The following ZDHHC2 variants were observed in gnomAD, a reference collection of about 807,000 sequenced individuals.
ZDHHC2 encodes zDHHC palmitoyltransferase 2.
A neutral mutation model predicts 55.6 loss-of-function variants in ZDHHC2; 51 were observed. The ratio of observed to expected loss-of-function variants is 0.92; its 90% CI spans 0.73 to 1.16. The LOEUF (loss-of-function observed/expected upper bound fraction) is 1.16, where lower values mean the gene tolerates loss of function less well. ZDHHC2 is among the 50% of genes most tolerant of loss of function. ZDHHC2 has a pLI of 0.00. For synonymous variants in ZDHHC2, 199 were observed against 152.9 expected, an observed-to-expected ratio of 1.30 and a Z score of -2.22; for missense variants, 491 against 442.4, an observed-to-expected ratio of 1.11 and a Z score of -0.99.
intron 1 of ZDHHC2, among the ~76,000 whole-genome samples, chr8:17,178,850 C>T (rs1250974740): frequency 2.6e-5 from 4 of 152,192 alleles, no homozygotes; most frequent in Non-Finnish European, 4.4e-5. Flanking sequence ...TCTTAAAAAA[C>T]AATTAATGTT....
chr8:17,163,011 T>C (rs1804423346), intron 1 of ZDHHC2: 1 of 152,270 alleles, frequency 6.6e-6, no homozygotes, highest in South Asian at 2.1e-4. Flanking sequence ...TAAGAGGTTG[T>C]TTTAGCTCCC....
intron 1 of ZDHHC2, among the ~76,000 whole-genome samples, chr8:17,166,362 A>G (rs1804599772): frequency 6.6e-6 from 1 of 152,204 alleles, no homozygotes; most frequent in African/African-American, 2.4e-5. Flanking sequence ...TTTTTGACTC[A>G]TACAACCGAA....
In ZDHHC2 at chr8:17,210,483, A is replaced by G; in HGVS notation, c.950+3A>G. 1.9e-6 allele frequency: 3 copies of G among 1,600,366 alleles called. No homozygotes were observed. The highest frequency in any genetic ancestry group is 2.6e-6 in the Non-Finnish European group (3 of 1,174,922). On this transcript the variant is annotated splice_donor_region_variant and intron_variant, in intron 10 of 12. Transcript: ENST00000262096. Reference sequence around the variant, plus strand: ...GGGCTGAATTCCACAGCTAAAAAGTAATCTCATATTTTTTTTCATTTTACT... The same window carrying G: ...GGGCTGAATTCCACAGCTAAAAAGTGATCTCATATTTTTTTTCATTTTACT...
intron 6 of ZDHHC2, among the ~76,000 whole-genome samples, chr8:17,204,811 T>TA (rs1807015324): frequency 6.6e-6 from 1 of 151,944 alleles, no homozygotes; most frequent in African/African-American, 2.4e-5. Flanking sequence ...AAAATTAAAG[T>TA]AAAATAAAAT....
intron 6 of ZDHHC2, among the ~76,000 whole-genome samples, chr8:17,199,058 C>G (rs1045709494): frequency 1.6e-4 from 25 of 152,142 alleles, no homozygotes; most frequent in African/African-American, 6.0e-4. Flanking sequence ...AGGTTGCTGG[C>G]CAGGTTGGAT....
intron 1 of ZDHHC2, among the ~76,000 whole-genome samples, chr8:17,181,653 T>A (rs1805438595): frequency 6.6e-6 from 1 of 152,174 alleles, no homozygotes; most frequent in African/African-American, 2.4e-5. Context: ...GTAAGAAAAT[T>A]AAATAATCCT....
At chr8:17,193,402 C>G (rs1191512768) in intron 3 of ZDHHC2, among the ~76,000 whole-genome samples, 1 of 152,256 alleles carries the variant, frequency 6.6e-6, no homozygotes, top group Non-Finnish European at 1.5e-5. Flanking sequence ...CTCTCTCTCT[C>G]TCTGCTGAGC....
chr8:17,209,696 C>G (rs1043023730), intron 8 of ZDHHC2, among the ~76,000 whole-genome samples: 11 of 152,044 alleles, frequency 7.2e-5, no homozygotes, highest in Admixed American at 6.6e-4. Flanking sequence ...CTACAATGCA[C>G]ATGTACTATT....
chr8:17,199,547 G>A (rs1490405099), intron 6 of ZDHHC2, among the ~76,000 whole-genome samples: 1,258 of 19,870 alleles, frequency 0.063, 76 homozygotes, highest in Middle Eastern at 0.22. Context: ...TTCGTCTTCT[G>A]TCTTCGTCTT....
intron 6 of ZDHHC2, 67 bp downstream of exon 6, chr8:17,198,480 C>T: frequency 2.8e-6 from 4 of 1,423,178 alleles, no homozygotes; most frequent in Non-Finnish European, 2.9e-6. Flanking sequence ...AATCACTTAT[C>T]CATGTAAATC....
At chr8:17,214,057 T>C (rs879483852) in intron 10 of ZDHHC2, among the ~76,000 whole-genome samples, 10 of 152,180 alleles carry the variant, frequency 6.6e-5, no homozygotes, top group Non-Finnish European at 1.5e-4. Context: ...TGAACTCAAA[T>C]ATGTGAAATT....
At chr8:17,202,261 C>G (rs1038007181) in intron 6 of ZDHHC2, among the ~76,000 whole-genome samples, 5 of 151,972 alleles carry the variant, frequency 3.3e-5, no homozygotes, top group Non-Finnish European at 5.9e-5. Flanking sequence ...GACGGAGTTG[C>G]CTAGGCTGGA....
At position 17,221,462 on chromosome 8, in the gene ZDHHC2, T is replaced by C. The variant is rs1222582700; in HGVS notation, c.*1241T>C. The C allele has an allele frequency of 6.6e-6, 1 of 152,532 alleles. No homozygotes were observed. The highest frequency in any genetic ancestry group is 1.5e-5 in the Non-Finnish European group (1 of 67,964). 9.4% of individuals were successfully genotyped at this position (152,532 alleles called of 1,614,324 possible). On this transcript the variant is annotated 3_prime_UTR_variant, in exon 13 of 13. Coordinates refer to ENST00000262096, the MANE Select transcript of ZDHHC2 (RefSeq NM_016353.5). The stretch of plus-strand genomic sequence containing the variant: ...ACAATTAGAATAATACTCTGTATGC[T>C]TTTTTGATACTGATTTTGAGAATTT...
intron 6 of ZDHHC2, 143 bp from the exon 7 acceptor site, chr8:17,205,512 T>C (rs536077044): frequency 1.1e-6 from 1 of 902,436 alleles, no homozygotes; most frequent in Non-Finnish European, 1.6e-6. Context: ...TACATGATTG[T>C]ATGCATAAAG....
chr8:17,170,128 A>G (rs953995740), intron 1 of ZDHHC2, among the ~76,000 whole-genome samples: 1 of 152,220 alleles, frequency 6.6e-6, no homozygotes, highest in Admixed American at 6.5e-5. Flanking sequence ...GCTGCAAGTA[A>G]GAAGAGAAAG....
chr8:17,192,786 G>T (rs1240873538), intron 3 of ZDHHC2, among the ~76,000 whole-genome samples: 3 of 152,246 alleles, frequency 2.0e-5, no homozygotes, highest in Non-Finnish European at 4.4e-5. Flanking sequence ...AATCCATTTT[G>T]ATTTTTGCGT....
intron 3 of ZDHHC2, among the ~76,000 whole-genome samples, chr8:17,189,351 A>G (rs540502418): frequency 3.3e-5 from 5 of 151,946 alleles, no homozygotes; most frequent in South Asian, 2.1e-4. Flanking sequence ...AACATTTACC[A>G]TCATGGCAAC....
At chr8:17,199,503 TTCTTCTTCTTC>T (rs1806536253) in intron 6 of ZDHHC2, among the ~76,000 whole-genome samples, 1 of 63,158 alleles carries the variant, frequency 1.6e-5, no homozygotes, top group South Asian at 4.8e-4. Context: ...CTTCTTCTTC[TTCTTCTTCTTC>T]GTCTTCGTCT....
chr8:17,164,210 T>C (rs1282237073), intron 1 of ZDHHC2, among the ~76,000 whole-genome samples: 1 of 152,234 alleles, frequency 6.6e-6, no homozygotes, highest in Non-Finnish European at 1.5e-5. Context: ...GGCCATGACT[T>C]TTAAATTCAG....
Sources: gnomAD v4.1 joint callset for allele counts (sites outside exome capture counted in the v4.1 genomes callset) on GRCh38, gnomAD v4.1.1 for gene constraint, MANE v1.5 for transcripts, NCBI Gene and HGNC (gene_info 2026-07-23, HGNC 2026-07-21) for gene names.